Variants in MMP26 observed in about 807,000 individuals in gnomAD.
MMP26 encodes the protein matrix metallopeptidase 26, also known as matrix metalloproteinase-26.
Under a neutral mutation model 31.0 loss-of-function variants are expected in MMP26, and 33 were observed. The ratio of observed to expected loss-of-function variants is 1.06; its 90% CI spans 0.81 to 1.42. The LOEUF is 1.42. Ranked by LOEUF, MMP26 falls within the 40% of genes most tolerant of loss-of-function variation. The pLI is 0.00. For missense variants in MMP26, 347 were observed against 316.1 expected (o/e 1.10, Z -0.74); for synonymous variants, 122 against 114.9 (o/e 1.06, Z -0.40).
intron 2 of MMP26, among the ~76,000 whole-genome samples, chr11:4,844,333 C>T (rs573560183): frequency 1.3e-3 from 200 of 152,134 alleles, no homozygotes; most frequent in Admixed American, 2.1e-3. Flanking sequence ...TGAATTCCAC[C>T]AACCAATTAA....
intron 2 of MMP26, among the ~76,000 whole-genome samples, chr11:4,775,996 C>T (rs34233903): frequency 0.095 from 14,395 of 152,138 alleles, 846 homozygotes; most frequent in Middle Eastern, 0.15. Flanking sequence ...CCACAGTCCA[C>T]GTCCATGTGT....
chr11:4,715,071 T>C (rs1847909996), intron 1 of MMP26, among the ~76,000 whole-genome samples: 1 of 152,120 alleles, frequency 6.6e-6, no homozygotes, highest in Non-Finnish European at 1.5e-5. Flanking sequence ...TGTGTTGAGG[T>C]CCTGAGATGT....
chr11:4,720,099 A>G (rs1193706867), intron 1 of MMP26, among the ~76,000 whole-genome samples: 1 of 152,186 alleles, frequency 6.6e-6, no homozygotes, highest in Non-Finnish European at 1.5e-5. Context: ...CACATTTAAC[A>G]GCTAGTATAA....
intron 2 of MMP26, among the ~76,000 whole-genome samples, chr11:4,768,081 T>A (rs1848654928): frequency 9.6e-6 from 1 of 103,646 alleles, no homozygotes; most frequent in South Asian, 2.4e-4. Context: ...GTGAAAACTG[T>A]GAAAACTATG....
rs118170108 is a variant in MMP26, at chr11:4,961,792, T to C, written c.-144-26276T>C. Among the ~76,000 whole-genome samples, 470 of 152,338 alleles carry C rather than the reference T, an allele frequency of 3.1e-3. 1 individual carries two copies. The highest frequency in any genetic ancestry group is 5.3e-3 in the Non-Finnish European group (363 of 68,014). On this transcript the variant is annotated intron_variant, in intron 2 of 7. Coordinates refer to ENST00000380390, the MANE Select transcript of MMP26 (RefSeq NM_021801.5). ...TTAAGAATTTTTAACTTTTGGGACT[T>C]CAACTTTCTGAATTATGGTATTCGG...
intron 2 of MMP26, among the ~76,000 whole-genome samples, chr11:4,847,000 G>A (rs1161090696): frequency 6.6e-6 from 1 of 152,150 alleles, no homozygotes; most frequent in Non-Finnish European, 1.5e-5. Flanking sequence ...CCAGGGACTG[G>A]CTCCAGGCTC....
intron 2 of MMP26, among the ~76,000 whole-genome samples, chr11:4,792,722 A>G (rs1281102605): frequency 6.7e-6 from 1 of 150,094 alleles, no homozygotes; most frequent in Non-Finnish European, 1.5e-5. Context: ...AACTTCTGTT[A>G]TCACATACAT....
chr11:4,983,587 C>A (rs1846845141), intron 2 of MMP26, among the ~76,000 whole-genome samples: 1 of 152,104 alleles, frequency 6.6e-6, no homozygotes, highest in African/African-American at 2.4e-5. Flanking sequence ...ATGTTTATAC[C>A]CAGCAGATCA....
At chr11:4,857,743 G>A (rs1157787359) in intron 2 of MMP26, among the ~76,000 whole-genome samples, 1 of 152,154 alleles carries the variant, frequency 6.6e-6, no homozygotes, top group Non-Finnish European at 1.5e-5. Context: ...GCATCATCCT[G>A]ATACCAAGGC....
At chr11:4,985,099 C>T (rs1846866918) in intron 2 of MMP26, among the ~76,000 whole-genome samples, 1 of 151,966 alleles carries the variant, frequency 6.6e-6, no homozygotes, top group African/African-American at 2.4e-5. Context: ...AAAGATATGT[C>T]GATGATATTA....
At chr11:4,919,641 T>C (rs2133579428) in intron 2 of MMP26, among the ~76,000 whole-genome samples, 1 of 152,274 alleles carries the variant, frequency 6.6e-6, no homozygotes, top group Middle Eastern at 3.4e-3. Flanking sequence ...TGGGTGCTAT[T>C]GATAATGTTT....
At chr11:4,882,120 G>A in intron 2 of MMP26, 1 of 1,613,896 alleles carries the variant, frequency 6.2e-7, no homozygotes. Flanking sequence ...GTTGATCTAT[G>A]TCTGACCATT....
intron 2 of MMP26, among the ~76,000 whole-genome samples, chr11:4,837,177 G>T (rs1386137474): frequency 1.3e-5 from 2 of 151,846 alleles, no homozygotes; most frequent in Non-Finnish European, 2.9e-5. Flanking sequence ...TATTTTTAAT[G>T]GCAAAAACTG....
chr11:4,944,769 C>T (rs1488572052), intron 2 of MMP26: 1 of 151,814 alleles, frequency 6.6e-6, no homozygotes, highest in East Asian at 1.9e-4. Context: ...TTGTCTTTAA[C>T]ATCATATCTT....
intron 2 of MMP26, among the ~76,000 whole-genome samples, chr11:4,939,826 C>A (rs1846183041): frequency 6.6e-6 from 1 of 152,054 alleles, no homozygotes; most frequent in Admixed American, 6.6e-5. Flanking sequence ...AAAGGCCAAG[C>A]CACAGATAAT....
chr11:4,758,090 T>C (rs1589892015), intron 1 of MMP26, among the ~76,000 whole-genome samples: 1 of 152,112 alleles, frequency 6.6e-6, no homozygotes, highest in African/African-American at 2.4e-5. Flanking sequence ...TAGCCCAGAA[T>C]TGAAACAATC....
intron 2 of MMP26, chr11:4,944,226 C>T: frequency 2.7e-6 from 1 of 370,462 alleles, no homozygotes; most frequent in South Asian, 2.1e-5. Flanking sequence ...CATACGTAGT[C>T]CTGAATTTAA....
chr11:4,924,499 C>G (rs1851240943), intron 2 of MMP26, among the ~76,000 whole-genome samples: 1 of 152,120 alleles, frequency 6.6e-6, no homozygotes, highest in Non-Finnish European at 1.5e-5. Flanking sequence ...ATCTATTAGC[C>G]TTTTCTACTG....
chr11:4,980,027 C>G (rs995729390), intron 2 of MMP26, among the ~76,000 whole-genome samples: 1 of 151,934 alleles, frequency 6.6e-6, no homozygotes, highest in African/African-American at 2.4e-5. Context: ...CAGAATTTCA[C>G]AGAAAGAAAA....
Sources: gnomAD v4.1 joint callset for allele counts (sites outside exome capture counted in the v4.1 genomes callset) on GRCh38, gnomAD v4.1.1 for gene constraint, MANE v1.5 for transcripts, NCBI Gene and HGNC (gene_info 2026-07-23, HGNC 2026-07-21) for gene names.